UQCC1: variants seen among roughly 807,000 people sequenced by gnomAD.
UQCC1 encodes the protein bFGF-repressed Zic-binding protein.
Under a neutral mutation model 48.0 loss-of-function variants are expected in UQCC1, and 38 were observed. The ratio of observed to expected loss-of-function variants is 0.79; its 90% CI spans 0.61 to 1.04. The LOEUF is 1.04. Among genes scored for constraint, UQCC1 ranks in the 50% least tolerant of loss-of-function variants. UQCC1 has a pLI of 0.00. For missense variants in UQCC1, 368 were observed against 381.8 expected (o/e 0.96, Z 0.30); for synonymous variants, 111 against 129.2 (o/e 0.86, Z 0.95).
At chr20:35,369,186 G>C (rs1227227274) in intron 5 of UQCC1, among the ~76,000 whole-genome samples, 8 of 152,150 alleles carry the variant, frequency 5.3e-5, no homozygotes, top group African/African-American at 2.4e-5. Flanking sequence ...GCTGGACTTG[G>C]GTCACCATTT....
At chr20:35,381,854 A>G in intron 4 of UQCC1, 64 bp downstream of exon 4, 1 of 968,220 alleles carries the variant, frequency 1.0e-6, no homozygotes, top group South Asian at 1.5e-5. Context: ...GCTTTAAAAA[A>G]TCTATTAGGA....
At chr20:35,306,595 G>T in intron 9 of UQCC1, 71 bp downstream of exon 9, 1 of 1,184,056 alleles carries the variant, frequency 8.4e-7, no homozygotes. Context: ...CACCTCTCAT[G>T]ATCCCCTGAA....
chr20:35,382,331 G>T (rs998108593), intron 3 of UQCC1, among the ~76,000 whole-genome samples: 4 of 151,474 alleles, frequency 2.6e-5, no homozygotes, highest in African/African-American at 9.7e-5. Flanking sequence ...GGAGAGGGGG[G>T]GTCCATAGCC....
In UQCC1 at chr20:35,343,106, T is replaced by C. The variant is rs147255490; in HGVS notation, c.573+4058A>G. Among the ~76,000 whole-genome samples the C allele has an allele frequency of 5.3e-3, 804 of 152,348 alleles. 13 individuals carry two copies. Among genetic ancestry groups the C allele is most frequent in the African/African-American group, 0.018 (745 of 41,576 alleles). ...ACTCAAAGCAATCACCTCTAAGTTT[T>C]TGGCATGAGAAAAATCACTACTACA... On this transcript the variant is annotated intron_variant, in intron 7 of 9. Transcript: ENST00000374385.
At chr20:35,383,986 A>G (rs367834154) in intron 3 of UQCC1, 52 bp downstream of exon 3, 2 of 1,518,838 alleles carry the variant, frequency 1.3e-6, no homozygotes, top group African/African-American at 2.7e-5. Context: ...AGATCCAAAG[A>G]ACACCTGTGT....
At position 35,366,598 on chromosome 20, in the gene UQCC1, A is replaced by T; in HGVS notation, c.423T>A (p.Asp141Glu). Residue 141 changes from aspartate (D) to glutamate (E), a missense_variant, in exon 6 of 10, where the codon GAT becomes GAA. By Grantham distance (45) the Asp-to-Glu change is conservative. Coordinates refer to ENST00000374385, the MANE Select transcript of UQCC1 (RefSeq NM_018244.5). Reference sequence around the variant, plus strand: ...TTATAAGAAACCATGAATTGAATGTATCAGGCATCTGACACCCTAGAAAAT... The same window carrying T: ...TTATAAGAAACCATGAATTGAATGTTTCAGGCATCTGACACCCTAGAAAAT... ...EEFFLRCQMP[D>E]TFNSWFLITL... The T allele has an allele frequency of 2.5e-6, 4 of 1,613,920 alleles. No homozygotes were observed. The highest frequency in any genetic ancestry group is 3.4e-6 in the Non-Finnish European group (4 of 1,179,828).
chr20:35,347,223 A>T lies in UQCC1; in HGVS notation c.514T>A (p.Cys172Ser). 3 of 1,614,080 alleles carry T rather than the reference A, an allele frequency of 1.9e-6. No individual in the cohort carries two copies. The highest frequency in any genetic ancestry group is 2.5e-6 in the Non-Finnish European group (3 of 1,180,020). The change falls in exon 7 of 10, where the codon TGT becomes AGT. Residue 172 changes from cysteine to serine, a missense_variant. Transcript: ENST00000374385. ...KQEGRSGKYM[C>S]RIIVHFMWED... Reference sequence around the variant, plus strand: ...CACATAAAATGAACTATGATACGACACATGTACTTCCCACTCCGGCCTTCC... The same window carrying T: ...CACATAAAATGAACTATGATACGACTCATGTACTTCCCACTCCGGCCTTCC...
At chr20:35,371,250 C>T (rs1254164054) in intron 5 of UQCC1, among the ~76,000 whole-genome samples, 1 of 151,846 alleles carries the variant, frequency 6.6e-6, no homozygotes, top group Non-Finnish European at 1.5e-5. Flanking sequence ...TAGTAAACAT[C>T]CTTTCAAAAT....
chr20:35,355,132 C>T (rs2061532447), intron 6 of UQCC1, among the ~76,000 whole-genome samples: 1 of 152,160 alleles, frequency 6.6e-6, no homozygotes, highest in South Asian at 2.1e-4. Context: ...AGGGACAGAA[C>T]ATGCAAACTC....
At chr20:35,347,050 T>C in intron 7 of UQCC1, 114 bp downstream of exon 7, 1 of 1,609,708 alleles carries the variant, frequency 6.2e-7, no homozygotes, top group South Asian at 1.1e-5. Flanking sequence ...CACTTGATAT[T>C]AGGCAGCATT....
At chr20:35,379,132 C>T (rs1051657853) in intron 4 of UQCC1, among the ~76,000 whole-genome samples, 1 of 152,164 alleles carries the variant, frequency 6.6e-6, no homozygotes, top group Admixed American at 6.5e-5. Context: ...CTTATCTCAC[C>T]TGATACTGCA....
At chr20:35,304,201 G>T in intron 9 of UQCC1, 132 bp from the exon 10 acceptor site, 1 of 1,221,740 alleles carries the variant, frequency 8.2e-7, no homozygotes, top group Non-Finnish European at 1.1e-6. Flanking sequence ...GACCATCCCA[G>T]GTCCCAGACC....
intron 8 of UQCC1, 191 bp from the exon 9 acceptor site, chr20:35,306,970 C>T: frequency 1.6e-6 from 1 of 627,730 alleles, no homozygotes; most frequent in Non-Finnish European, 2.9e-6. Flanking sequence ...CCAATCCCTT[C>T]ATTTTATTAC....
At chr20:35,371,938 C>G (rs1176953669) in intron 5 of UQCC1, among the ~76,000 whole-genome samples, 1 of 151,784 alleles carries the variant, frequency 6.6e-6, no homozygotes, top group African/African-American at 2.4e-5. Context: ...GTTGCTTGAG[C>G]CCAGGAGTAA....
chr20:35,322,571 T>C (rs2061143322), intron 7 of UQCC1, among the ~76,000 whole-genome samples: 4 of 151,790 alleles, frequency 2.6e-5, no homozygotes, highest in Admixed American at 2.6e-4. Context: ...CCATGTCTAC[T>C]AAAATACAAA....
intron 7 of UQCC1, among the ~76,000 whole-genome samples, chr20:35,320,370 T>C (rs1345789902): frequency 1.3e-5 from 2 of 152,198 alleles, no homozygotes; most frequent in Non-Finnish European, 2.9e-5. Context: ...AAGAGGAATC[T>C]GATGTTTGGG....
chr20:35,362,466 C>T (rs1316214385), intron 6 of UQCC1, among the ~76,000 whole-genome samples: 1 of 152,206 alleles, frequency 6.6e-6, no homozygotes, highest in African/African-American at 2.4e-5. Context: ...AAGCGATTCT[C>T]ATGCTTTAGC....
At chr20:35,382,062 CA>C in intron 3 of UQCC1, 37 bp from the exon 4 acceptor site, 1 of 1,408,788 alleles carries the variant, frequency 7.1e-7, no homozygotes, top group Non-Finnish European at 9.8e-7. Context: ...AAATTAGTTG[CA>C]AAAAATTTTT....
chr20:35,348,977 C>T (rs1343368854), intron 6 of UQCC1, among the ~76,000 whole-genome samples: 1 of 152,066 alleles, frequency 6.6e-6, no homozygotes. Flanking sequence ...TATTGTTTCT[C>T]ATTAAATAGC....
Sources: gnomAD v4.1 joint callset for allele counts (sites outside exome capture counted in the v4.1 genomes callset) on GRCh38, gnomAD v4.1.1 for gene constraint, MANE v1.5 for transcripts, NCBI Gene and HGNC (gene_info 2026-07-23, HGNC 2026-07-21) for gene names.